Variants in SLC25A21 observed in about 807,000 individuals in gnomAD.
The protein encoded by SLC25A21 is solute carrier family 25 member 21.
SLC25A21 carries 47 observed loss-of-function variants against 43.8 expected under a neutral mutation model. That is an observed-to-expected ratio of 1.07 (90% confidence interval 0.85 to 1.37). The LOEUF (loss-of-function observed/expected upper bound fraction) is 1.37. SLC25A21 is among the 40% of genes most tolerant of loss of function. The pLI is 0.00. For missense variants in SLC25A21, 352 were observed against 350.2 expected, an observed-to-expected ratio of 1.00 and a Z score of -0.04; for synonymous variants, 131 against 121.3, an observed-to-expected ratio of 1.08 and a Z score of -0.52.
chr14:36,885,547 G>T (rs1890889688), intron 1 of SLC25A21, among the ~76,000 whole-genome samples: 1 of 152,112 alleles, frequency 6.6e-6, no homozygotes, highest in Admixed American at 6.6e-5. Context: ...ATATCATTTT[G>T]AGTAGTATGG....
intron 1 of SLC25A21, among the ~76,000 whole-genome samples, chr14:37,142,138 G>A (rs1963582135): frequency 6.6e-6 from 1 of 152,268 alleles, no homozygotes; most frequent in African/African-American, 2.4e-5. Context: ...AGCAGGCTAA[G>A]CATTTTATGT....
intron 1 of SLC25A21, among the ~76,000 whole-genome samples, chr14:37,145,476 C>CACACACAGAGAGAGAG (rs780734735): frequency 9.8e-5 from 14 of 143,566 alleles, no homozygotes; most frequent in African/African-American, 3.4e-4. Flanking sequence ...CACACACACA[C>CACACACAGAGAGAGAG]AGAGAGATGA....
intron 1 of SLC25A21, among the ~76,000 whole-genome samples, chr14:36,903,801 T>C (rs1011896343): frequency 1.3e-5 from 2 of 152,118 alleles, no homozygotes; most frequent in Non-Finnish European, 1.5e-5. Context: ...TGCTCCTCAG[T>C]TGAAGCCAGC....
At chr14:36,782,354 C>G (rs1887095187) in intron 3 of SLC25A21, among the ~76,000 whole-genome samples, 2 of 152,234 alleles carry the variant, frequency 1.3e-5, no homozygotes, top group Admixed American at 1.3e-4. Context: ...TTTTGAGGCT[C>G]TTATCATCTG....
At chr14:36,714,450 T>G (rs1884034184) in intron 6 of SLC25A21, among the ~76,000 whole-genome samples, 1 of 152,184 alleles carries the variant, frequency 6.6e-6, no homozygotes, top group Admixed American at 6.5e-5. Flanking sequence ...AGCTTTCCTC[T>G]CTGGAGCAGT....
intron 1 of SLC25A21, among the ~76,000 whole-genome samples, chr14:36,899,446 C>T (rs1027250976): frequency 6.6e-6 from 1 of 152,204 alleles, no homozygotes; most frequent in Middle Eastern, 3.2e-3. Flanking sequence ...GGCACCGTCT[C>T]CGAACTAAAT....
chr14:36,760,031 T>C (rs559863471), intron 3 of SLC25A21, among the ~76,000 whole-genome samples: 1 of 152,268 alleles, frequency 6.6e-6, no homozygotes, highest in African/African-American at 2.4e-5. Flanking sequence ...GTCATCTTCA[T>C]AAATGAATCA....
chr14:36,860,130 T>A (rs1890025412), intron 2 of SLC25A21, among the ~76,000 whole-genome samples: 3 of 117,188 alleles, frequency 2.6e-5, no homozygotes, highest in African/African-American at 6.7e-5. Flanking sequence ...CCAAATAAGG[T>A]AATGAAAAAA....
At chr14:36,825,194 T>A (rs1187576503) in intron 2 of SLC25A21, among the ~76,000 whole-genome samples, 1 of 152,208 alleles carries the variant, frequency 6.6e-6, no homozygotes, top group African/African-American at 2.4e-5. Context: ...ACTGAATGCC[T>A]GAGGAATATC....
At chr14:36,994,015 T>C (rs1284923259) in intron 1 of SLC25A21, among the ~76,000 whole-genome samples, 3 of 152,164 alleles carry the variant, frequency 2.0e-5, no homozygotes, top group Non-Finnish European at 2.9e-5. Context: ...AAATGATGAA[T>C]GAGCTATATG....
chr14:36,733,019 C>CT (rs1884891835), intron 4 of SLC25A21, among the ~76,000 whole-genome samples: 2 of 152,300 alleles, frequency 1.3e-5, no homozygotes, highest in South Asian at 4.1e-4. Context: ...GGGACTGACT[C>CT]TGTTTTATAA....
chr14:36,937,175 C>T (rs981099220), intron 1 of SLC25A21, among the ~76,000 whole-genome samples: 1 of 152,158 alleles, frequency 6.6e-6, no homozygotes, highest in East Asian at 1.9e-4. Flanking sequence ...CTAAGCCGGG[C>T]GATGCTGAAG....
At chr14:36,916,534 C>A (rs901904871) in intron 1 of SLC25A21, among the ~76,000 whole-genome samples, 1 of 152,148 alleles carries the variant, frequency 6.6e-6, no homozygotes, top group African/African-American at 2.4e-5. Flanking sequence ...TGCAAATATG[C>A]CGATGGAGTC....
At chr14:36,739,040 T>G (rs1261050104) in intron 3 of SLC25A21, among the ~76,000 whole-genome samples, 2 of 152,344 alleles carry the variant, frequency 1.3e-5, no homozygotes, top group East Asian at 3.9e-4. Flanking sequence ...GTTCTTTATG[T>G]CCTTGACCAC....
chr14:37,100,372 G>A (rs1962794362), intron 1 of SLC25A21, among the ~76,000 whole-genome samples: 1 of 151,858 alleles, frequency 6.6e-6, no homozygotes, highest in Non-Finnish European at 1.5e-5. Flanking sequence ...CCACCTCTAG[G>A]AAGGCTTCCC....
At chr14:37,115,666 G>A (rs542433172) in intron 1 of SLC25A21, among the ~76,000 whole-genome samples, 1 of 152,260 alleles carries the variant, frequency 6.6e-6, no homozygotes, top group East Asian at 1.9e-4. Flanking sequence ...TCAAGCTGCT[G>A]AGAAAAGAAT....
At chr14:36,715,614 C>A (rs553731314) in intron 6 of SLC25A21, among the ~76,000 whole-genome samples, 6 of 152,112 alleles carry the variant, frequency 3.9e-5, no homozygotes, top group South Asian at 2.1e-4. Flanking sequence ...ATTGACTGCA[C>A]CCAATCTGAA....
chr14:36,804,891 G>A (rs890761377), intron 3 of SLC25A21, among the ~76,000 whole-genome samples: 2 of 152,126 alleles, frequency 1.3e-5, no homozygotes, highest in African/African-American at 4.8e-5. Flanking sequence ...TTTTGGTTTT[G>A]GTAAAGCCAT....
At chr14:37,093,248 T>G (rs1329533026) in intron 1 of SLC25A21, among the ~76,000 whole-genome samples, 1 of 152,194 alleles carries the variant, frequency 6.6e-6, no homozygotes, top group Non-Finnish European at 1.5e-5. Flanking sequence ...AAGAACGATT[T>G]TTTAGTTTAT....
Sources: allele counts gnomAD v4.1 joint callset (sites outside exome capture counted in the v4.1 genomes callset), GRCh38; gene constraint gnomAD v4.1.1; transcripts MANE v1.5; gene names NCBI Gene and HGNC (gene_info 2026-07-23, HGNC 2026-07-21).